Variants in IKBKB-DT observed in about 807,000 individuals in gnomAD.
The protein encoded by IKBKB-DT is IKBKB divergent transcript.
At chr8:42,234,380 C>A (rs1806891747) in intron 3 of IKBKB-DT, among the ~76,000 whole-genome samples, 1 of 152,130 alleles carries the variant, frequency 6.6e-6, no homozygotes, top group Non-Finnish European at 1.5e-5. Context: ...TGACAAAATT[C>A]TTAAAATGGT....
At chr8:42,258,335 C>G (rs961098626) in intron 3 of IKBKB-DT, among the ~76,000 whole-genome samples, 2 of 152,040 alleles carry the variant, frequency 1.3e-5, no homozygotes, top group Non-Finnish European at 2.9e-5. Context: ...TGTTTTGAGA[C>G]AGTCTTGCTA....
At chr8:42,245,538 C>T (rs1269911915) in intron 3 of IKBKB-DT, among the ~76,000 whole-genome samples, 1 of 152,188 alleles carries the variant, frequency 6.6e-6, no homozygotes, top group Non-Finnish European at 1.5e-5. Flanking sequence ...ATCACACAGC[C>T]AGGCAGAGTA....
intron 3 of IKBKB-DT, among the ~76,000 whole-genome samples, chr8:42,259,157 C>T (rs1455752732): frequency 1.3e-5 from 2 of 152,092 alleles, no homozygotes; most frequent in African/African-American, 4.8e-5. Flanking sequence ...TCCTGAGTAG[C>T]TGGGATTAAA....
chr8:42,259,467 T>C (rs1418680622), intron 3 of IKBKB-DT, among the ~76,000 whole-genome samples: 1 of 152,216 alleles, frequency 6.6e-6, no homozygotes, highest in African/African-American at 2.4e-5. Context: ...TTGGAAAATA[T>C]CTAGGTATGC....
intron 3 of IKBKB-DT, among the ~76,000 whole-genome samples, chr8:42,260,866 C>T (rs1807277532): frequency 6.6e-6 from 1 of 151,938 alleles, no homozygotes; most frequent in African/African-American, 2.4e-5. Context: ...ACCAATGAGC[C>T]TTTTATGGCT....
At chr8:42,236,452 A>G (rs1259613412) in intron 3 of IKBKB-DT, among the ~76,000 whole-genome samples, 1 of 152,234 alleles carries the variant, frequency 6.6e-6, no homozygotes, top group Non-Finnish European at 1.5e-5. Flanking sequence ...CTGTCAAAAC[A>G]TTTAAAACTC....
chr8:42,258,950 G>C (rs1170795387), intron 3 of IKBKB-DT, among the ~76,000 whole-genome samples: 1 of 152,150 alleles, frequency 6.6e-6, no homozygotes, highest in Non-Finnish European at 1.5e-5. Flanking sequence ...GCATTCTGTA[G>C]ACAGGCAAGT....
intron 3 of IKBKB-DT, among the ~76,000 whole-genome samples, chr8:42,260,668 CAA>C (rs771731696): frequency 0.076 from 3,370 of 44,588 alleles, 57 homozygotes; most frequent in African/African-American, 0.19. Context: ...GACTCTGTCT[CAA>C]AAAAAAAAAA....
chr8:42,262,685 C>T (rs928865693), intron 3 of IKBKB-DT, among the ~76,000 whole-genome samples: 1 of 151,968 alleles, frequency 6.6e-6, no homozygotes, highest in Non-Finnish European at 1.5e-5. Context: ...GTGATCCGCC[C>T]GCCTCGGCCT....
intron 3 of IKBKB-DT, among the ~76,000 whole-genome samples, chr8:42,259,137 T>G (rs557376468): frequency 1.3e-5 from 2 of 152,208 alleles, no homozygotes; most frequent in African/African-American, 4.8e-5. Context: ...GCGATTCTCC[T>G]GCCTCAGCCT....
chr8:42,244,676 T>C (rs996312130), intron 3 of IKBKB-DT, among the ~76,000 whole-genome samples: 5 of 152,164 alleles, frequency 3.3e-5, no homozygotes, highest in Non-Finnish European at 2.9e-5. Context: ...AATTAGAGTT[T>C]CATTTTATAT....
At chr8:42,267,313 A>G (rs1402409501) in intron 1 of IKBKB-DT, among the ~76,000 whole-genome samples, 1 of 151,948 alleles carries the variant, frequency 6.6e-6, no homozygotes, top group African/African-American at 2.4e-5. Flanking sequence ...TTTCTTAATA[A>G]ACTTGCTTTC....
intron 3 of IKBKB-DT, among the ~76,000 whole-genome samples, chr8:42,256,957 C>T (rs1807210776): frequency 6.6e-6 from 1 of 152,092 alleles, no homozygotes; most frequent in African/African-American, 2.4e-5. Flanking sequence ...TGACAAAAGA[C>T]TTCAAATGGT....
chr8:42,256,129 T>C (rs1470408562), intron 3 of IKBKB-DT, among the ~76,000 whole-genome samples: 3 of 151,638 alleles, frequency 2.0e-5, no homozygotes, highest in Non-Finnish European at 2.9e-5. Context: ...AGGGATCAGG[T>C]AGAGAAAAAA....
chr8:42,247,015 C>T (rs368998002), intron 3 of IKBKB-DT, among the ~76,000 whole-genome samples: 1 of 152,178 alleles, frequency 6.6e-6, no homozygotes, highest in Non-Finnish European at 1.5e-5. Flanking sequence ...TGACAGGAAG[C>T]GGAGCTCAGG....
intron 3 of IKBKB-DT, among the ~76,000 whole-genome samples, chr8:42,246,850 G>GGAGTGA (rs1807071187): frequency 6.6e-6 from 1 of 152,152 alleles, no homozygotes; most frequent in Non-Finnish European, 1.5e-5. Flanking sequence ...GGTTGGGGTG[G>GGAGTGA]GAGTGAGGGG....
At chr8:42,245,727 G>A (rs1807055470) in intron 3 of IKBKB-DT, among the ~76,000 whole-genome samples, 1 of 152,210 alleles carries the variant, frequency 6.6e-6, no homozygotes, top group Non-Finnish European at 1.5e-5. Context: ...CCCTTACCCG[G>A]AAAATGTACT....
exon 1 of IKBKB-DT, chr8:42,271,189 G>C (rs796701168): frequency 4.8e-5 from 29 of 610,342 alleles, no homozygotes; most frequent in African/African-American, 4.3e-4. Flanking sequence ...CCCGCCCCGG[G>C]GGAGTCGCCC....
chr8:42,258,306 GT>G (rs143046884), intron 3 of IKBKB-DT, among the ~76,000 whole-genome samples: 1 of 151,396 alleles, frequency 6.6e-6, no homozygotes, highest in Non-Finnish European at 1.5e-5. Flanking sequence ...TCTATTCAGG[GT>G]TTTTTTTGTT....
Sources: gnomAD v4.1 joint callset for allele counts (sites outside exome capture counted in the v4.1 genomes callset) on GRCh38, gnomAD v4.1.1 for gene constraint, MANE v1.5 for transcripts, NCBI Gene and HGNC (gene_info 2026-07-23, HGNC 2026-07-21) for gene names.